The following DOCK11 variants were observed in gnomAD, a reference collection of about 807,000 sequenced individuals.
The protein encoded by DOCK11 is dedicator of cytokinesis protein 11.
In DOCK11, 70 loss-of-function variants were observed where a neutral mutation model predicts 169.1. That is an observed-to-expected ratio of 0.41 (90% CI 0.34 to 0.51). The LOEUF is 0.51. Among genes scored for constraint, DOCK11 ranks in the 20% least tolerant of loss-of-function variants. The pLI, the probability that DOCK11 is intolerant of heterozygous loss-of-function variation, is 0.10. For synonymous variants in DOCK11, 529 were observed against 541.3 expected (o/e 0.98, Z 0.32); for missense variants, 1,166 against 1,538.8 (o/e 0.76, Z 4.05).
chrX:118,515,684 T>C (rs2057678506), intron 1 of DOCK11, among the ~76,000 whole-genome samples: 1 of 110,091 alleles, frequency 9.1e-6, no homozygotes, highest in Non-Finnish European at 1.9e-5. Flanking sequence ...ACTTTCATTT[T>C]AGAGAGGATT....
intron 44 of DOCK11, among the ~76,000 whole-genome samples, chrX:118,656,160 A>G (rs2016061942): frequency 9.1e-6 from 1 of 110,487 alleles, no homozygotes; most frequent in African/African-American, 3.3e-5. Flanking sequence ...GCATGGTGTC[A>G]CATGCCTGTG....
chrX:118,549,106 C>CTGTGTGTGTGTGTGTGTG lies in DOCK11; in HGVS notation c.558+2997_558+3014dup, dbSNP rs57680469. Among the ~76,000 whole-genome samples, 482 of 99,105 alleles carry CTGTGTGTGTGTGTGTGTG rather than the reference C, an allele frequency of 4.9e-3. 11 individuals are homozygous for CTGTGTGTGTGTGTGTGTG. The highest frequency in any genetic ancestry group is 0.044 in the East Asian group (143 of 3,241). 86.1% of individuals were successfully genotyped at this position (99,105 alleles called of 115,157 possible). The stretch of plus-strand genomic sequence containing the variant: ...CTTTTTATCCTCAGCTGCTCATATT[C>CTGTGTGTGTGTGTGTGTG]TGTGTGTGTGTGTGTGTGTGTGTGA... On this transcript the variant is annotated intron_variant, in intron 6 of 52. Transcript: ENST00000276202.
In DOCK11 at chrX:118,649,127, G is replaced by C. The variant is rs1436613678; in HGVS notation, c.4581G>C (p.Gln1527His). Residue 1527 changes from glutamine to histidine, a missense_variant and splice_region_variant, in exon 41 of 53, where the codon CAG becomes CAC. Coordinates refer to ENST00000276202, the MANE Select transcript of DOCK11 (RefSeq NM_144658.4). ...AAACCTTTTTGAGGACACATCTACA[G>C]GTCAGTGAAAATAAAAGCGCCTCTT... ...KRKTFLRTHL[Q>H]IIIAVSQLIA... 19 of 1,166,947 alleles carry C rather than the reference G, an allele frequency of 1.6e-5. No homozygotes were observed. Among genetic ancestry groups the C allele is most frequent in the Non-Finnish European group, 2.1e-5 (18 of 876,662 alleles).
chrX:118,675,096 C>G (rs905650254), intron 46 of DOCK11, among the ~76,000 whole-genome samples: 1 of 112,023 alleles, frequency 8.9e-6, no homozygotes, highest in Non-Finnish European at 1.9e-5. Flanking sequence ...CTGTGATTTG[C>G]ATATATTTTC....
At chrX:118,647,872 A>C (rs2015778491) in intron 40 of DOCK11, among the ~76,000 whole-genome samples, 2 of 51,363 alleles carry the variant, frequency 3.9e-5, no homozygotes, top group Non-Finnish European at 6.1e-5. Flanking sequence ...AATAACATGT[A>C]ATATATAATA....
At chrX:118,674,947 G>T (rs2016574048) in intron 46 of DOCK11, among the ~76,000 whole-genome samples, 1 of 111,917 alleles carries the variant, frequency 8.9e-6, no homozygotes, top group Admixed American at 9.5e-5. Context: ...GTCTTTTCGT[G>T]TCCTTCTTGG....
intron 44 of DOCK11, among the ~76,000 whole-genome samples, chrX:118,655,307 A>C (rs1242460675): frequency 9.8e-6 from 1 of 102,475 alleles, no homozygotes; most frequent in Non-Finnish European, 2.0e-5. Context: ...TACCTATTTT[A>C]AAATAAAATA....
At chrX:118,644,942 A>G (rs756613257) in intron 40 of DOCK11, among the ~76,000 whole-genome samples, 1 of 111,951 alleles carries the variant, frequency 8.9e-6, no homozygotes, top group East Asian at 2.8e-4. Flanking sequence ...AAGGCAGTAA[A>G]AAGACTAGTT....
intron 40 of DOCK11, among the ~76,000 whole-genome samples, chrX:118,644,040 T>C (rs1361548761): frequency 9.0e-6 from 1 of 111,720 alleles, no homozygotes; most frequent in African/African-American, 3.3e-5. Context: ...GGATGAATCC[T>C]GCCTTTCAAT....
chrX:118,589,571 C>A (rs369824416), intron 18 of DOCK11, among the ~76,000 whole-genome samples: 2 of 111,593 alleles, frequency 1.8e-5, no homozygotes, highest in African/African-American at 6.5e-5. Flanking sequence ...GTGAAAAAAT[C>A]CCACTAGAAA....
At chrX:118,576,239 C>A (rs1302580289) in intron 12 of DOCK11, among the ~76,000 whole-genome samples, 1 of 111,752 alleles carries the variant, frequency 8.9e-6, no homozygotes. Context: ...AGGACCTGGC[C>A]CATTTTCTAG....
Position 118,550,867 on chromosome X carries a change from T to G in DOCK11, c.558+4751T>G, listed in dbSNP as rs748345281. 7.1e-5 allele frequency among the ~76,000 whole-genome samples: 8 copies of G among 112,230 alleles called. No individual in the cohort carries two copies. The South Asian group carries it at 2.9e-3, about 41-fold the overall frequency. ...GTTGACAGAGTTTGAGAGGAAAGTT[T>G]CTATGTATTTTTTTTCTACTATGGT... On this transcript the variant is annotated intron_variant, in intron 6 of 52. Coordinates refer to ENST00000276202, the MANE Select transcript of DOCK11 (RefSeq NM_144658.4).
intron 36 of DOCK11, among the ~76,000 whole-genome samples, chrX:118,637,708 G>A (rs902044912): frequency 5.4e-5 from 6 of 111,587 alleles, no homozygotes; most frequent in Non-Finnish European, 9.4e-5. Context: ...GCAGTGAGCC[G>A]CGCATGATCA....
intron 23 of DOCK11, among the ~76,000 whole-genome samples, chrX:118,602,507 G>A (rs771919598): frequency 1.8e-5 from 2 of 110,346 alleles, no homozygotes; most frequent in South Asian, 3.8e-4. Context: ...CTGAGGGTTC[G>A]GTGAACTGAG....
At position 118,506,392 on chromosome X, in the gene DOCK11, G is replaced by A. The variant is rs187131543; in HGVS notation, c.102+10319G>A. Among the ~76,000 whole-genome samples, 691 of 112,026 alleles carry A rather than the reference G, an allele frequency of 6.2e-3. 1 individual carries two copies. Among genetic ancestry groups the A allele is most frequent in the South Asian group, 0.014 (39 of 2,720 alleles). On this transcript the variant is annotated intron_variant, in intron 1 of 52. Coordinates refer to ENST00000276202, the MANE Select transcript of DOCK11 (RefSeq NM_144658.4). ...TTAAAGTTCTATTTTGGGGCTGAGC[G>A]CGGTGGCTCACACCTATATTCCCAG...
chrX:118,676,599 T>G lies in DOCK11; in HGVS notation c.5322T>G (p.Phe1774Leu). The change falls in exon 48 of 53, where the codon TTT becomes TTG. Residue 1774 changes from phenylalanine (F) to leucine (L), a missense_variant. Transcript: ENST00000276202. ...GTTTAACTTTATAATAGTCTTTTTT[T>G]GAAGAAGAAGATGGAAAGGAGTACA... is the stretch of plus-strand genomic sequence containing the variant. Reference protein sequence around the residue: ...FRVAFYGQSFFEEEDGKEYIY... With the variant: ...FRVAFYGQSFLEEEDGKEYIY... 3 of 1,141,913 alleles carry G rather than the reference T, an allele frequency of 2.6e-6. No individual in the cohort carries two copies. Among genetic ancestry groups the G allele is most frequent in the Non-Finnish European group, 3.5e-6 (3 of 852,325 alleles). The allele number at this position is 1,141,913 out of a possible 1,213,427, so 94.1% of individuals were successfully genotyped here. A position where few individuals can be genotyped will look rare whatever the true frequency, so the allele number is the denominator to read the frequency against.
At position 118,618,550 on chromosome X, in the gene DOCK11, A is replaced by T; in HGVS notation, c.3293A>T (p.Asp1098Val). Residue 1098 changes from aspartate to valine, a missense_variant and splice_region_variant, in exon 31 of 53, where the codon GAT (aspartate) becomes GTT (valine). Transcript: ENST00000276202. ...GGTTTTAAATTTCATTGTACTGCAG[A>T]TTCAAATCTTGAATACAGTTTATCA... ...FAKPKLQRVQDSNLEYSLSDE... is the reference protein window; with the variant it reads ...FAKPKLQRVQVSNLEYSLSDE... 8.4e-7 allele frequency: 1 copy of T among 1,188,331 alleles called. No individual in the cohort carries two copies. The highest frequency in any genetic ancestry group is 1.1e-6 in the Non-Finnish European group (1 of 884,899).
intron 42 of DOCK11, among the ~76,000 whole-genome samples, chrX:118,654,275 C>T (rs776766435): frequency 1.3e-4 from 14 of 111,997 alleles, no homozygotes; most frequent in African/African-American, 4.2e-4. Context: ...TTTTTAGTTA[C>T]TGTTACAAGA....
chrX:118,649,222 T>C (rs2015889687), intron 41 of DOCK11, 95 bp downstream of exon 41: 2 of 682,062 alleles, frequency 2.9e-6, no homozygotes, highest in Non-Finnish European at 4.2e-6. Flanking sequence ...TCCAATACAA[T>C]GTGGCCATCT....
Sources: allele counts gnomAD v4.1 joint callset (sites outside exome capture counted in the v4.1 genomes callset), GRCh38; gene constraint gnomAD v4.1.1; transcripts MANE v1.5; gene names NCBI Gene and HGNC (gene_info 2026-07-23, HGNC 2026-07-21).